Variants in RGS6 observed in about 807,000 individuals in gnomAD.
RGS6 encodes regulator of G-protein signaling 6.
Under a neutral mutation model 78.5 loss-of-function variants are expected in RGS6, and 30 were observed. That is an observed-to-expected ratio of 0.38 (90% CI 0.29 to 0.52). The LOEUF is 0.52. RGS6 is among the 20% of genes least tolerant of loss of function. RGS6 has a pLI of 0.85. For missense variants in RGS6, 495 were observed against 609.7 expected (o/e 0.81, Z 1.98); for synonymous variants, 206 against 206.0 (o/e 1.00, Z 0.00).
chr14:72,375,463 C>G (rs1174630404), intron 3 of RGS6, among the ~76,000 whole-genome samples: 1 of 152,164 alleles, frequency 6.6e-6, no homozygotes, highest in Non-Finnish European at 1.5e-5. Context: ...CAGACACGTC[C>G]CTAGGCTGGC....
intron 2 of RGS6, among the ~76,000 whole-genome samples, chr14:71,982,042 C>T (rs1044675336): frequency 6.6e-6 from 1 of 152,216 alleles, no homozygotes; most frequent in Non-Finnish European, 1.5e-5. Flanking sequence ...GGGAGTGACC[C>T]GATTTTCCAG....
intron 2 of RGS6, among the ~76,000 whole-genome samples, chr14:72,246,714 G>A (rs76530928): frequency 0.01 from 1,549 of 152,040 alleles, 31 homozygotes; most frequent in African/African-American, 0.034. Flanking sequence ...GTTCAAGGTC[G>A]GCCTGGCCAA....
chr14:72,412,128 T>C (rs2093464818), intron 3 of RGS6, among the ~76,000 whole-genome samples: 1 of 152,212 alleles, frequency 6.6e-6, no homozygotes, highest in Admixed American at 6.5e-5. Context: ...ACTGGAATGG[T>C]TTCAGAAGGA....
At chr14:72,061,322 C>T (rs982744967) in intron 2 of RGS6, among the ~76,000 whole-genome samples, 10 of 152,176 alleles carry the variant, frequency 6.6e-5, no homozygotes, top group Non-Finnish European at 1.2e-4. Flanking sequence ...GATAAGGGTC[C>T]GTGATTTGGC....
intron 2 of RGS6, among the ~76,000 whole-genome samples, chr14:72,288,019 T>A (rs1163628011): frequency 5.3e-5 from 8 of 152,220 alleles, no homozygotes; most frequent in Non-Finnish European, 1.5e-5. Flanking sequence ...TTTTTACATC[T>A]ATGTTCATCA....
chr14:72,525,829 G>A (rs1377350269), intron 15 of RGS6, among the ~76,000 whole-genome samples: 1 of 152,168 alleles, frequency 6.6e-6, no homozygotes, highest in Non-Finnish European at 1.5e-5. Context: ...AAGGAATTCT[G>A]TGACACTGCT....
chr14:72,442,896 G>A (rs1305088189), intron 3 of RGS6, among the ~76,000 whole-genome samples: 1 of 152,196 alleles, frequency 6.6e-6, no homozygotes, highest in Non-Finnish European at 1.5e-5. Context: ...TCAAGAACTG[G>A]AAATTGATCT....
intron 2 of RGS6, among the ~76,000 whole-genome samples, chr14:72,243,645 G>T (rs1396438669): frequency 6.6e-6 from 1 of 152,086 alleles, no homozygotes; most frequent in African/African-American, 2.4e-5. Flanking sequence ...TTTTTGTTTA[G>T]ATTTAATATG....
At chr14:72,458,534 G>A (rs922805930) in intron 5 of RGS6, among the ~76,000 whole-genome samples, 157 bp downstream of exon 5, 1 of 152,222 alleles carries the variant, frequency 6.6e-6, no homozygotes, top group East Asian at 1.9e-4. Context: ...CTGGGCCACT[G>A]GGTGACCCAC....
intron 2 of RGS6, among the ~76,000 whole-genome samples, chr14:72,347,884 G>A (rs964871417): frequency 6.6e-6 from 1 of 152,152 alleles, no homozygotes; most frequent in African/African-American, 2.4e-5. Flanking sequence ...GAAAATCCTA[G>A]AGGCAGAAAA....
chr14:71,925,013 G>T, the RGS6 span, among the ~76,000 whole-genome samples: 2 of 152,134 alleles, frequency 1.3e-5, no homozygotes, highest in South Asian at 4.1e-4. Context: ...TTTCCATAAT[G>T]GCTCTACCAG....
intron 2 of RGS6, among the ~76,000 whole-genome samples, chr14:72,084,975 G>C (rs907225056): frequency 3.3e-5 from 5 of 152,146 alleles, no homozygotes; most frequent in Non-Finnish European, 7.4e-5. Context: ...GCCACAGCTT[G>C]GATTTATTTG....
chr14:72,389,709 T>C (rs2152936893), intron 3 of RGS6, among the ~76,000 whole-genome samples: 1 of 152,340 alleles, frequency 6.6e-6, no homozygotes, highest in Admixed American at 6.5e-5. Flanking sequence ...TGGTTGGCTA[T>C]TTGTTTTCTA....
intron 2 of RGS6, among the ~76,000 whole-genome samples, chr14:72,144,124 G>C (rs1240346748): frequency 6.6e-6 from 1 of 152,170 alleles, no homozygotes; most frequent in African/African-American, 2.4e-5. Flanking sequence ...TGTCTGGAGA[G>C]CCATCATGCT....
intron 2 of RGS6, among the ~76,000 whole-genome samples, chr14:72,092,504 C>T (rs1010662198): frequency 6.6e-6 from 1 of 152,084 alleles, no homozygotes; most frequent in African/African-American, 2.4e-5. Flanking sequence ...GCCTCAGCCT[C>T]CCAAGTAGCT....
At chr14:71,963,538 C>A (rs1270205246) in intron 1 of RGS6, among the ~76,000 whole-genome samples, 1 of 152,162 alleles carries the variant, frequency 6.6e-6, no homozygotes, top group Non-Finnish European at 1.5e-5. Flanking sequence ...TGGCAGCTAC[C>A]AATCTGTTTC....
chr14:72,337,276 C>G (rs1294569919), intron 2 of RGS6, among the ~76,000 whole-genome samples: 2 of 151,678 alleles, frequency 1.3e-5, no homozygotes, highest in Non-Finnish European at 2.9e-5. Context: ...ACCAACACCC[C>G]CTCCCCTGTA....
chr14:72,525,594 G>C (rs537549743), intron 15 of RGS6, among the ~76,000 whole-genome samples: 2 of 152,306 alleles, frequency 1.3e-5, no homozygotes, highest in East Asian at 3.9e-4. Flanking sequence ...GGAATGCAAG[G>C]TTTCTACCAT....
Position 72,203,991 on chromosome 14 carries a change from A to AT in RGS6, c.85-148098dup, listed in dbSNP as rs377256999. ...AAGTGTGCACCACCACACCTGGCTA[A>AT]TTTTTTGTATTTTTAGTAGACGGGG... On this transcript the variant is annotated intron_variant, in intron 2 of 17. Transcript: ENST00000553525. Among the ~76,000 whole-genome samples, 351 of 151,766 alleles carry AT rather than the reference A, an allele frequency of 2.3e-3. 2 individuals carry two copies. The highest frequency in any genetic ancestry group is 8.3e-3 in the African/African-American group (342 of 41,366).
Sources: gnomAD v4.1 joint callset for allele counts (sites outside exome capture counted in the v4.1 genomes callset) on GRCh38, gnomAD v4.1.1 for gene constraint, MANE v1.5 for transcripts, NCBI Gene and HGNC (gene_info 2026-07-23, HGNC 2026-07-21) for gene names.